Variants in LARP4B observed in about 807,000 individuals in gnomAD.
The protein encoded by LARP4B is la-related protein 4B.
LARP4B carries 12 observed loss-of-function variants against 89.8 expected under a neutral mutation model. The ratio of observed to expected loss-of-function variants is 0.13; its 90% CI spans 0.09 to 0.22. The LOEUF is 0.22. Ranked by LOEUF, LARP4B falls within the 10% of genes least tolerant of loss-of-function variation. LARP4B has a pLI of 1.00. For synonymous variants in LARP4B, 367 were observed against 363.3 expected, an observed-to-expected ratio of 1.01 and a Z score of -0.12; for missense variants, 757 against 947.7, an observed-to-expected ratio of 0.80 and a Z score of 2.64.
chr10:968,856 G>A, the LARP4B span, among the ~76,000 whole-genome samples: 1 of 152,242 alleles, frequency 6.6e-6, no homozygotes, highest in Admixed American at 6.5e-5. Context: ...AGAATAGGCA[G>A]TTCTATCTAA....
intron 1 of LARP4B, among the ~76,000 whole-genome samples, chr10:923,339 G>A (rs1414592315): frequency 2.0e-5 from 3 of 152,066 alleles, no homozygotes; most frequent in Non-Finnish European, 4.4e-5. Context: ...ATCCATTGGG[G>A]TTTCCCGGCA....
At chr10:958,681 G>C in the LARP4B span, among the ~76,000 whole-genome samples, 1 of 152,200 alleles carries the variant, frequency 6.6e-6, no homozygotes, top group East Asian at 1.9e-4. Flanking sequence ...GTCACCTGAA[G>C]GGACGGGTGA....
intron 5 of LARP4B, among the ~76,000 whole-genome samples, chr10:850,854 A>G (rs1322410325): frequency 2.0e-5 from 3 of 152,206 alleles, no homozygotes; most frequent in African/African-American, 4.8e-5. Flanking sequence ...ACTAAATCAA[A>G]TATCTCTAAA....
chr10:826,434 CTAACA>C (rs1175230445), intron 11 of LARP4B, among the ~76,000 whole-genome samples: 1 of 152,152 alleles, frequency 6.6e-6, no homozygotes, highest in African/African-American at 2.4e-5. Context: ...TGCAAATATA[CTAACA>C]TAAGATTCAG....
chr10:886,423 G>C (rs1456484122), intron 1 of LARP4B, among the ~76,000 whole-genome samples: 3 of 152,222 alleles, frequency 2.0e-5, no homozygotes, highest in East Asian at 3.9e-4. Context: ...TTTGAAAATA[G>C]AACTACCATA....
At chr10:836,329 A>G in intron 8 of LARP4B, 74 bp downstream of exon 8, 1 of 1,085,962 alleles carries the variant, frequency 9.2e-7, no homozygotes, top group Non-Finnish European at 1.4e-6. Flanking sequence ...AAAACACAAA[A>G]GTAAAATAAA....
At chr10:975,839 C>T in the LARP4B span, among the ~76,000 whole-genome samples, 1 of 150,896 alleles carries the variant, frequency 6.6e-6, no homozygotes, top group Non-Finnish European at 1.5e-5. Flanking sequence ...AACGTGTGGA[C>T]CCGGCCTAGT....
intron 5 of LARP4B, among the ~76,000 whole-genome samples, chr10:852,306 GAT>G (rs1485069024): frequency 6.6e-6 from 1 of 152,176 alleles, no homozygotes; most frequent in Non-Finnish European, 1.5e-5. Flanking sequence ...ACTGTATCAT[GAT>G]CTACAGAGGT....
At chr10:901,624 T>G (rs1836348575) in intron 1 of LARP4B, among the ~76,000 whole-genome samples, 1 of 152,224 alleles carries the variant, frequency 6.6e-6, no homozygotes, top group Admixed American at 6.5e-5. Flanking sequence ...CGTTTCATGT[T>G]CTTATAGTAA....
At chr10:909,950 A>T (rs540918964) in intron 1 of LARP4B, among the ~76,000 whole-genome samples, 139 of 152,270 alleles carry the variant, frequency 9.1e-4, no homozygotes, top group African/African-American at 3.2e-3. Context: ...TTCAATAGAC[A>T]ATGTGACTGA....
chr10:885,417 A>C (rs1835825526), intron 2 of LARP4B, among the ~76,000 whole-genome samples: 1 of 152,154 alleles, frequency 6.6e-6, no homozygotes. Flanking sequence ...TTACTAAATA[A>C]ATGTGTATGC....
intron 3 of LARP4B, among the ~76,000 whole-genome samples, chr10:867,862 G>GAAAAAA (rs903762145): frequency 2.3e-5 from 1 of 43,378 alleles, no homozygotes; most frequent in African/African-American, 9.1e-5. Flanking sequence ...CTCCATCCTT[G>GAAAAAA]AAAAAAAAAA....
chr10:902,923 G>A (rs909749838), intron 1 of LARP4B, among the ~76,000 whole-genome samples: 3 of 152,224 alleles, frequency 2.0e-5, no homozygotes, highest in African/African-American at 7.2e-5. Flanking sequence ...GATTACCGGT[G>A]TGAGCCACGG....
chr10:876,398 A>AG (rs2131898467), intron 3 of LARP4B, among the ~76,000 whole-genome samples: 1 of 152,316 alleles, frequency 6.6e-6, no homozygotes, highest in East Asian at 1.9e-4. Context: ...AAAAAAGAAA[A>AG]GAAAAAAAAA....
the LARP4B span, among the ~76,000 whole-genome samples, chr10:946,155 C>G: frequency 1.3e-5 from 2 of 152,222 alleles, no homozygotes; most frequent in African/African-American, 4.8e-5. Flanking sequence ...AAAAAGGTCT[C>G]TCTATGGATA....
At chr10:959,477 A>ATC in the LARP4B span, among the ~76,000 whole-genome samples, 1 of 27,614 alleles carries the variant, frequency 3.6e-5, no homozygotes. Context: ...CTCCCCGTCA[A>ATC]CCACCTCCCC....
the LARP4B span, among the ~76,000 whole-genome samples, chr10:963,363 C>T: frequency 3.9e-5 from 6 of 152,216 alleles, no homozygotes; most frequent in Non-Finnish European, 7.3e-5. Flanking sequence ...TTATCCACCA[C>T]GCTGCTATTC....
chr10:842,199 A>ATT (rs35178357), intron 7 of LARP4B, among the ~76,000 whole-genome samples: 5 of 144,524 alleles, frequency 3.5e-5, no homozygotes, highest in Admixed American at 6.9e-5. Context: ...TCACAACATA[A>ATT]TTTTTTTTTT....
At chr10:890,469 C>T (rs151090522) in intron 1 of LARP4B, among the ~76,000 whole-genome samples, 249 of 152,164 alleles carry the variant, frequency 1.6e-3, no homozygotes, top group African/African-American at 5.6e-3. Context: ...GTAGTACCAA[C>T]GTCTTCTTAT....
Sources: allele counts gnomAD v4.1 joint callset (sites outside exome capture counted in the v4.1 genomes callset), GRCh38; gene constraint gnomAD v4.1.1; transcripts MANE v1.5; gene names NCBI Gene and HGNC (gene_info 2026-07-23, HGNC 2026-07-21).